Variants in CHD5 observed in about 807,000 individuals in gnomAD.
CHD5 encodes ATP-dependent chromatin remodeler CHD5.
A neutral mutation model predicts 230.3 loss-of-function variants in CHD5; 69 were observed. The ratio of observed to expected loss-of-function variants is 0.30; its 90% CI spans 0.25 to 0.37. The LOEUF (loss-of-function observed/expected upper bound fraction) is 0.37, where lower values mean the gene tolerates loss of function less well. Among genes scored for constraint, CHD5 ranks in the 10% least tolerant of loss-of-function variants. CHD5 has a pLI of 1.00. For missense variants in CHD5, 1,827 were observed against 2,622.8 expected (o/e 0.70, Z 6.63); for synonymous variants, 1,064 against 1,065.9 (o/e 1.00, Z 0.03).
At chr1:6,137,153 G>A (rs752529960) in intron 15 of CHD5, among the ~76,000 whole-genome samples, 12 of 152,062 alleles carry the variant, frequency 7.9e-5, no homozygotes, top group Non-Finnish European at 1.6e-4. Context: ...ACCCCCCAGC[G>A]TGGAGTACAG....
rs984895016 is a variant in CHD5, at chr1:6,125,946, C to G, written c.4079-88G>C. ...CAAGCATGCCCAGGGCCACGCCGAGCCCCTGCACCCCAGCTCCATAAAAAA... is the reference window on the plus strand; with the variant it reads ...CAAGCATGCCCAGGGCCACGCCGAGGCCCTGCACCCCAGCTCCATAAAAAA... On this transcript the variant is annotated intron_variant, in intron 26 of 41. Coordinates refer to ENST00000262450, the MANE Select transcript of CHD5 (RefSeq NM_015557.3). The surrounding 1 kb of genome is among the most constrained non-coding windows in gnomAD (Gnocchi z 6.7). 2.2e-6 allele frequency: 2 copies of G among 894,748 alleles called. No individual in the cohort carries two copies. Among genetic ancestry groups the G allele is most frequent in the Non-Finnish European group, 1.8e-6 (1 of 549,556 alleles). The allele number at this position is 894,748 out of a possible 1,614,324, so 55.4% of individuals were successfully genotyped here.
chr1:6,162,780 G>C (rs759920702), intron 2 of CHD5, among the ~76,000 whole-genome samples: 15 of 152,242 alleles, frequency 9.9e-5, no homozygotes, highest in Non-Finnish European at 1.5e-4. Flanking sequence ...TCGGGATTGG[G>C]CTCCAGCCAA....
At chr1:6,171,088 C>A (rs1571174164) in intron 1 of CHD5, among the ~76,000 whole-genome samples, 1 of 152,270 alleles carries the variant, frequency 6.6e-6, no homozygotes, top group South Asian at 2.1e-4. Context: ...AGGGTGGTCC[C>A]AGACTTAGGA....
rs527373495 is a variant in CHD5 at position 6,131,579 on chromosome 1, G to A, written c.3262+52C>T. 33 of 1,101,924 alleles carry A rather than the reference G, an allele frequency of 3.0e-5. No individual in the cohort carries two copies. In the African/African-American group the frequency reaches 3.4e-4, roughly 11 times the overall value. 68.3% of individuals were successfully genotyped at this position (1,101,924 alleles called of 1,614,324 possible). ...ACCTGGCTAAGAACCAGGCCTGGGA[G>A]AAGAGGCCAAAAAGGAGTCTCAATC... is the stretch of plus-strand genomic sequence containing the variant. On this transcript the variant is annotated intron_variant, in intron 21 of 41. Coordinates refer to ENST00000262450, the MANE Select transcript of CHD5 (RefSeq NM_015557.3). The surrounding 1 kb of genome is among the most constrained non-coding windows in gnomAD (Gnocchi z 5.0).
intron 33 of CHD5, among the ~76,000 whole-genome samples, chr1:6,118,377 TCAA>T (rs1666410647): frequency 1.5e-5 from 1 of 67,600 alleles, no homozygotes; most frequent in Non-Finnish European, 2.6e-5. Context: ...AGACCCTGTC[TCAA>T]AAAAAAAAAA....
chr1:6,125,526 C>A lies in CHD5; in HGVS notation c.4258G>T (p.Glu1420Ter). 6.3e-7 allele frequency: 1 copy of A among 1,579,998 alleles called. No individual in the cohort carries two copies. The highest frequency in any genetic ancestry group is 8.6e-7 in the Non-Finnish European group (1 of 1,161,446). Residue 1420 changes from glutamate (E) to a stop codon, truncating the protein, a stop_gained and splice_region_variant, in exon 28 of 42, where the codon GAG becomes TAG. Transcript: ENST00000262450. LOFTEE classifies it high-confidence loss of function. The surrounding 1 kb of genome is among the most constrained non-coding windows in gnomAD (Gnocchi z 6.7). ...PLLARVGGNI[E>*]VLGFNARQRK... Reference sequence around the variant, plus strand: ...ATGCGGGAACAGACAGGCCCCACCTCGATGTTGCCACCAACTCGGGCGAGA... The same window carrying A: ...ATGCGGGAACAGACAGGCCCCACCTAGATGTTGCCACCAACTCGGGCGAGA...
rs760347635 is a variant in CHD5, at chr1:6,128,461, CGGA to C, written c.3730+35_3730+37del. On this transcript the variant is annotated intron_variant, in intron 24 of 41. Coordinates refer to ENST00000262450, the MANE Select transcript of CHD5 (RefSeq NM_015557.3). This position sits in a 1 kb window ranked among gnomAD's most constrained non-coding sequence, Gnocchi z 7.8. ...TCCTCTGCAGGAGCAGCCACCTGGT[CGGA>C]GGAGGAGCTGAGGCTGGGCTGGGTT... is the stretch of plus-strand genomic sequence containing the variant. The C allele has an allele frequency of 6.6e-6, 10 of 1,512,106 alleles. No individual in the cohort carries two copies. Among genetic ancestry groups the C allele is most frequent in the Non-Finnish European group, 8.3e-6 (9 of 1,089,770 alleles). The allele number at this position is 1,512,106 out of a possible 1,614,324, so 93.7% of individuals were successfully genotyped here. A position where few individuals can be genotyped will look rare whatever the true frequency, so the allele number is the denominator to read the frequency against.
rs141389085 is a variant in CHD5 at position 6,117,529 on chromosome 1, T to C, written c.4912+3576A>G. On this transcript the variant is annotated intron_variant, in intron 33 of 41. Coordinates refer to ENST00000262450, the MANE Select transcript of CHD5 (RefSeq NM_015557.3). ...GACTTCAAAGCCCTCCTGGACAACA[T>C]AGTAAGGCCCTGTCTCTAAAAGTAT... Among the ~76,000 whole-genome samples, 15 of 152,254 alleles carry C rather than the reference T, an allele frequency of 9.9e-5. No individual in the cohort carries two copies. The East Asian group carries it at 2.3e-3, about 23-fold the overall frequency.
chr1:6,165,555 G>T (rs1667239165), intron 2 of CHD5, among the ~76,000 whole-genome samples: 1 of 152,060 alleles, frequency 6.6e-6, no homozygotes, highest in Non-Finnish European at 1.5e-5. Flanking sequence ...ATCACCCCGA[G>T]CCCATGGAGC....
intron 2 of CHD5, among the ~76,000 whole-genome samples, chr1:6,160,543 C>G (rs1667160015): frequency 6.6e-6 from 1 of 151,154 alleles, no homozygotes; most frequent in Non-Finnish European, 1.5e-5. Flanking sequence ...GCATCTCAGG[C>G]CCCAGCGCCA....
At chr1:6,114,517 C>A (rs1277847432) in intron 33 of CHD5, among the ~76,000 whole-genome samples, 2 of 151,308 alleles carry the variant, frequency 1.3e-5, no homozygotes, top group South Asian at 2.1e-4. Context: ...AACACACACA[C>A]ACACATTTTT....
chr1:6,173,217 G>C (rs1183583915), intron 1 of CHD5, among the ~76,000 whole-genome samples: 3 of 151,358 alleles, frequency 2.0e-5, no homozygotes, highest in Admixed American at 1.3e-4. Context: ...CCATTCTCCT[G>C]CCTCAGCCTC....
At chr1:6,107,662 T>C (rs1413382336) in intron 38 of CHD5, among the ~76,000 whole-genome samples, 1 of 121,262 alleles carries the variant, frequency 8.2e-6, no homozygotes, top group Non-Finnish European at 1.7e-5. Context: ...GATGGAAAAA[T>C]GAAGGGATGA....
intron 2 of CHD5, among the ~76,000 whole-genome samples, chr1:6,163,200 C>T (rs764350240): frequency 6.6e-6 from 1 of 152,222 alleles, no homozygotes; most frequent in Non-Finnish European, 1.5e-5. Flanking sequence ...TGGCCCCTTC[C>T]CTGCTGTCAC....
intron 25 of CHD5, among the ~76,000 whole-genome samples, 165 bp downstream of exon 25, chr1:6,127,881 G>A (rs532105270): frequency 1.3e-5 from 2 of 152,232 alleles, no homozygotes; most frequent in South Asian, 2.1e-4. Context: ...CTGGAGTGCG[G>A]GGCACAGCAG....
chr1:6,146,565 C>A lies in CHD5; in HGVS notation c.1590+100G>T. ...GCACCACCCCAACTCCCAACAGCAC[C>A]CCTCAGTCAGAGGCGCTTCAGCCCC... On this transcript the variant is annotated intron_variant, in intron 10 of 41. Coordinates refer to ENST00000262450, the MANE Select transcript of CHD5 (RefSeq NM_015557.3). This position sits in a 1 kb window ranked among gnomAD's most constrained non-coding sequence, Gnocchi z 5.1. 1 of 1,415,856 alleles carries A rather than the reference C, an allele frequency of 7.1e-7. No individual in the cohort carries two copies. The highest frequency in any genetic ancestry group is 9.9e-7 in the Non-Finnish European group (1 of 1,007,178). The allele number at this position is 1,415,856 out of a possible 1,614,324, so 87.7% of individuals were successfully genotyped here. A position where few individuals can be genotyped will look rare whatever the true frequency, so the allele number is the denominator to read the frequency against.
At chr1:6,179,748 G>GC (rs35368955) in intron 1 of CHD5, among the ~76,000 whole-genome samples, 197 bp downstream of exon 1, 146,952 of 146,964 alleles carry the variant, frequency 1, 73,470 homozygotes, top group Non-Finnish European at 1. Flanking sequence ...CCCTCACGCC[G>GC]GCCCGGGCGC....
intron 33 of CHD5, among the ~76,000 whole-genome samples, chr1:6,115,328 G>A (rs1666363104): frequency 6.6e-6 from 1 of 152,092 alleles, no homozygotes; most frequent in Non-Finnish European, 1.5e-5. Context: ...TCCAACATGG[G>A]CTCCAAGACT....
intron 15 of CHD5, among the ~76,000 whole-genome samples, chr1:6,137,228 C>A (rs1401826941): frequency 6.6e-6 from 1 of 152,214 alleles, no homozygotes; most frequent in Admixed American, 6.5e-5. Context: ...CCATCTCAGC[C>A]TCCCGAGTAG....
Sources: gnomAD v4.1 joint callset for allele counts (sites outside exome capture counted in the v4.1 genomes callset) on GRCh38, gnomAD v4.1.1 for gene constraint, Gnocchi (gnomAD v3.1) non-coding constraint, MANE v1.5 for transcripts, NCBI Gene and HGNC (gene_info 2026-07-23, HGNC 2026-07-21) for gene names.